DLGAP1: variants seen among roughly 807,000 people sequenced by gnomAD.
DLGAP1 encodes the protein DLG associated protein 1.
Under a neutral mutation model 90.8 loss-of-function variants are expected in DLGAP1, and 11 were observed. That is an observed-to-expected ratio of 0.12 (90% confidence interval 0.08 to 0.20). The LOEUF is 0.20. DLGAP1 is among the 10% of genes least tolerant of loss of function. DLGAP1 has a pLI of 1.00. For missense variants in DLGAP1, 1,050 were observed against 1,333.8 expected (o/e 0.79, Z 3.31); for synonymous variants, 558 against 540.7 (o/e 1.03, Z -0.44).
intron 1 of DLGAP1, among the ~76,000 whole-genome samples, chr18:4,445,298 C>T (rs1472298406): frequency 1.4e-5 from 2 of 148,004 alleles, no homozygotes; most frequent in African/African-American, 2.5e-5. Context: ...TACCAATCAT[C>T]TTTTTTTTTT....
intron 4 of DLGAP1, among the ~76,000 whole-genome samples, chr18:3,875,212 A>G (rs140250015): frequency 5.9e-5 from 9 of 152,344 alleles, no homozygotes; most frequent in Admixed American, 3.9e-4. Flanking sequence ...ACATACATTT[A>G]CCACAAAATA....
rs75284150 is a variant in DLGAP1, at chr18:3,854,412, C to T, written c.957+24700G>A. ...ATATTGGATCTCAGATTTAGCATTCCCCAATTTTGTTATTGTTTTGAAAAC... is the reference window on the plus strand; with the variant it reads ...ATATTGGATCTCAGATTTAGCATTCTCCAATTTTGTTATTGTTTTGAAAAC... On this transcript the variant is annotated intron_variant, in intron 4 of 12. Transcript: ENST00000315677. Among the ~76,000 whole-genome samples, 1,162 of 152,190 alleles carry T rather than the reference C, an allele frequency of 7.6e-3. 23 individuals carry two copies. Among genetic ancestry groups the T allele is most frequent in the African/African-American group, 0.026 (1,089 of 41,542 alleles).
intron 3 of DLGAP1, among the ~76,000 whole-genome samples, chr18:3,886,524 C>T (rs75850497): frequency 0.011 from 1,460 of 136,402 alleles, 24 homozygotes; most frequent in African/African-American, 0.037. Flanking sequence ...ATCATTCATT[C>T]GGACTTGCAT....
At chr18:3,604,014 T>A (rs1200253835) in intron 7 of DLGAP1, 1 of 154,416 alleles carries the variant, frequency 6.5e-6, no homozygotes, top group Non-Finnish European at 1.5e-5. Context: ...AGAAAGTTAA[T>A]GGTATTTCCA....
chr18:4,145,313 G>C (rs892942538), intron 2 of DLGAP1, among the ~76,000 whole-genome samples: 3 of 152,228 alleles, frequency 2.0e-5, no homozygotes, highest in Admixed American at 2.0e-4. Flanking sequence ...AGCAATAGCA[G>C]TTTTTAGTTT....
At chr18:4,337,445 C>T (rs1346557404) in intron 1 of DLGAP1, among the ~76,000 whole-genome samples, 2 of 151,962 alleles carry the variant, frequency 1.3e-5, no homozygotes, top group African/African-American at 4.8e-5. Flanking sequence ...CCTGCCTCAG[C>T]CTTTCAAAGT....
intron 2 of DLGAP1, among the ~76,000 whole-genome samples, chr18:4,143,313 G>C (rs1313600068): frequency 6.6e-6 from 1 of 151,852 alleles, no homozygotes; most frequent in Non-Finnish European, 1.5e-5. Context: ...TACTGCAGCT[G>C]AGCTGGTACT....
At chr18:3,656,830 T>A (rs1009721583) in intron 7 of DLGAP1, among the ~76,000 whole-genome samples, 3 of 152,014 alleles carry the variant, frequency 2.0e-5, no homozygotes, top group African/African-American at 7.2e-5. Context: ...CACTGCAACC[T>A]CTGCCTCCTG....
At chr18:4,189,627 T>C (rs2077358793) in intron 1 of DLGAP1, among the ~76,000 whole-genome samples, 1 of 152,104 alleles carries the variant, frequency 6.6e-6, no homozygotes, top group African/African-American at 2.4e-5. Flanking sequence ...CCTAAGTTTA[T>C]ATGGAAAGAC....
At chr18:3,688,783 T>C (rs2060797496) in intron 7 of DLGAP1, among the ~76,000 whole-genome samples, 1 of 152,142 alleles carries the variant, frequency 6.6e-6, no homozygotes, top group South Asian at 2.1e-4. Context: ...CCTCGTGGAT[T>C]CTTTACACAT....
chr18:3,917,442 A>T (rs79013639), intron 3 of DLGAP1, among the ~76,000 whole-genome samples: 1,784 of 152,276 alleles, frequency 0.012, 11 homozygotes, highest in Non-Finnish European at 0.019. Flanking sequence ...GCCAATATCC[A>T]TTTCTCAGTC....
intron 3 of DLGAP1, among the ~76,000 whole-genome samples, chr18:3,988,488 C>T (rs1184493501): frequency 1.3e-5 from 2 of 152,132 alleles, no homozygotes; most frequent in African/African-American, 4.8e-5. Flanking sequence ...TGCCTCAGCT[C>T]CACCTTGGAT....
chr18:4,300,486 G>A (rs1430088716), intron 1 of DLGAP1, among the ~76,000 whole-genome samples: 3 of 151,792 alleles, frequency 2.0e-5, no homozygotes, highest in East Asian at 1.9e-4. Context: ...ACAATTACAC[G>A]CCTCTTTTGA....
intron 1 of DLGAP1, among the ~76,000 whole-genome samples, chr18:4,278,206 C>T (rs970484820): frequency 6.6e-6 from 1 of 152,008 alleles, no homozygotes; most frequent in African/African-American, 2.4e-5. Context: ...TTATATAGTA[C>T]TTCTTTTCTC....
Position 3,711,062 on chromosome 18 carries a change from C to T in DLGAP1, c.1591+18073G>A, listed in dbSNP as rs1453825308. 3.3e-5 allele frequency among the ~76,000 whole-genome samples: 5 copies of T among 152,158 alleles called. No homozygotes were observed. The highest frequency in any genetic ancestry group is 3.9e-4 in the East Asian group (2 of 5,192). ...TCTGCAACAGAAGAGTCCAGAAACA[C>T]GACAGAGGAAGTCAGAGAGCCAGGA... On this transcript the variant is annotated intron_variant, in intron 7 of 12. Transcript: ENST00000315677. This position sits in a 1 kb window ranked among gnomAD's most constrained non-coding sequence, Gnocchi z 4.0.
At chr18:4,349,493 C>T (rs554753161) in intron 1 of DLGAP1, among the ~76,000 whole-genome samples, 2 of 151,664 alleles carry the variant, frequency 1.3e-5, no homozygotes, top group Non-Finnish European at 1.5e-5. Flanking sequence ...CTACAAGGAT[C>T]TGGGGAATAG....
intron 7 of DLGAP1, among the ~76,000 whole-genome samples, chr18:3,717,298 A>G (rs985436063): frequency 1.3e-5 from 2 of 152,176 alleles, no homozygotes; most frequent in African/African-American, 2.4e-5. Flanking sequence ...AGACCAGGTT[A>G]GTACCAAGGT....
In DLGAP1 at chr18:3,629,253, A is replaced by T. The variant is rs562350076; in HGVS notation, c.1592-47005T>A. ...CACAGCAAGACGCCATCTCTAAAAA[A>T]ATAAATAGCTGAGGTGGGAGGATCA... On this transcript the variant is annotated intron_variant, in intron 7 of 12. Coordinates refer to ENST00000315677, the MANE Select transcript of DLGAP1 (RefSeq NM_004746.4). Among the ~76,000 whole-genome samples the T allele has an allele frequency of 7.7e-4, 118 of 152,262 alleles. 1 individual carries two copies. The highest frequency in any genetic ancestry group is 2.6e-3 in the African/African-American group (108 of 41,532).
chr18:4,233,971 A>G (rs953757309), intron 1 of DLGAP1, among the ~76,000 whole-genome samples: 1 of 151,980 alleles, frequency 6.6e-6, no homozygotes, highest in Non-Finnish European at 1.5e-5. Context: ...TATTTTGAGA[A>G]GCATGATTTC....
Sources: gnomAD v4.1 joint callset for allele counts (sites outside exome capture counted in the v4.1 genomes callset) on GRCh38, gnomAD v4.1.1 for gene constraint, Gnocchi (gnomAD v3.1) non-coding constraint, MANE v1.5 for transcripts, NCBI Gene and HGNC (gene_info 2026-07-23, HGNC 2026-07-21) for gene names.